The following ZNG1A variants were observed in gnomAD, a reference collection of about 807,000 sequenced individuals.
ZNG1A encodes the protein zinc-regulated GTPase metalloprotein activator 1A.
the ZNG1A span, chr9:160,229 G>C: frequency 2.2e-6 from 1 of 453,658 alleles, no homozygotes; most frequent in Non-Finnish European, 4.4e-6. Flanking sequence ...CTCAGTTTCA[G>C]TTTGGCTGGC....
At chr9:170,473 C>T in the ZNG1A span, among the ~76,000 whole-genome samples, 3 of 150,760 alleles carry the variant, frequency 2.0e-5, no homozygotes, top group Non-Finnish European at 4.4e-5. Context: ...GCAACCTCCG[C>T]CTCCCAGCTT....
chr9:154,125 C>G, the ZNG1A span: 1 of 152,862 alleles, frequency 6.5e-6, no homozygotes, highest in African/African-American at 2.4e-5. Context: ...TCAGCCTTGG[C>G]TATGGACAAA....
chr9:159,828 CT>C, the ZNG1A span, among the ~76,000 whole-genome samples: 1 of 152,128 alleles, frequency 6.6e-6, no homozygotes, highest in South Asian at 2.1e-4. Flanking sequence ...GGAACTATTT[CT>C]TTTAAATGGA....
At chr9:121,463 A>G in the ZNG1A span, 1 of 1,610,854 alleles carries the variant, frequency 6.2e-7, no homozygotes, top group Non-Finnish European at 8.5e-7. Context: ...AAATGCCTCT[A>G]GTGTTATGTA....
chr9:135,153 T>A, the ZNG1A span: 1 of 1,508,002 alleles, frequency 6.6e-7, no homozygotes, highest in Non-Finnish European at 8.9e-7. Flanking sequence ...ATTCTGTAAT[T>A]GCAATTTTAC....
At chr9:149,084 A>T in the ZNG1A span, 1 of 149,760 alleles carries the variant, frequency 6.7e-6, no homozygotes, top group South Asian at 2.1e-4. Flanking sequence ...CTTCAAACTC[A>T]AAAACGCTTA....
the ZNG1A span, among the ~76,000 whole-genome samples, chr9:144,883 G>A: frequency 9.3e-5 from 14 of 151,074 alleles, no homozygotes; most frequent in African/African-American, 2.2e-4. Flanking sequence ...AAAAGTGGGC[G>A]AAGGACATGA....
At chr9:157,398 G>A in the ZNG1A span, among the ~76,000 whole-genome samples, 2 of 129,338 alleles carry the variant, frequency 1.5e-5, no homozygotes, top group African/African-American at 6.0e-5. Context: ...AACCTCAATA[G>A]AGGTTCCCTG....
the ZNG1A span, among the ~76,000 whole-genome samples, chr9:155,069 TG>T: frequency 2.6e-5 from 4 of 151,686 alleles, no homozygotes; most frequent in Admixed American, 6.6e-5. Context: ...TTCTGTTACT[TG>T]CTACTCTTGT....
the ZNG1A span, chr9:153,831 T>C: frequency 1.3e-5 from 2 of 151,066 alleles, no homozygotes; most frequent in African/African-American, 4.9e-5. Flanking sequence ...CTAATGTCAG[T>C]AGAACTTATA....
chr9:155,554 G>T, the ZNG1A span, among the ~76,000 whole-genome samples: 1 of 152,214 alleles, frequency 6.6e-6, no homozygotes, highest in South Asian at 2.1e-4. Context: ...CAAAGTAGAT[G>T]ATAATAATCA....
the ZNG1A span, among the ~76,000 whole-genome samples, chr9:171,388 T>C: frequency 6.6e-6 from 1 of 152,156 alleles, no homozygotes; most frequent in Admixed American, 6.5e-5. Context: ...CACTAACTTT[T>C]ATGCAAAATG....
the ZNG1A span, chr9:166,480 A>G: frequency 1.3e-5 from 2 of 152,644 alleles, no homozygotes; most frequent in Non-Finnish European, 2.9e-5. Flanking sequence ...AAACACGCAC[A>G]TACAGGGAAT....
chr9:149,216 TG>T, the ZNG1A span: 1 of 151,862 alleles, frequency 6.6e-6, no homozygotes, highest in Admixed American at 6.6e-5. Flanking sequence ...AGAGGCATGT[TG>T]CTTTTAAAAT....
chr9:147,175 C>CAGAAGAAAAAA, the ZNG1A span: 1 of 22,622 alleles, frequency 4.4e-5, no homozygotes, highest in Admixed American at 4.5e-4. Context: ...GACTCCGCCT[C>CAGAAGAAAAAA]AAAAGAAAAA....
chr9:138,137 A>AT, the ZNG1A span, among the ~76,000 whole-genome samples: 3 of 152,044 alleles, frequency 2.0e-5, no homozygotes, highest in African/African-American at 4.8e-5. Context: ...CAAAATGCTG[A>AT]TTTTTTCCAG....
the ZNG1A span, chr9:148,546 C>A: frequency 9.8e-6 from 1 of 101,578 alleles, no homozygotes; most frequent in East Asian, 2.3e-4. Flanking sequence ...GGAGATAAAA[C>A]CATGAGATCT....
chr9:140,742 C>G, the ZNG1A span, among the ~76,000 whole-genome samples: 2 of 151,680 alleles, frequency 1.3e-5, no homozygotes, highest in African/African-American at 4.8e-5. Flanking sequence ...CAAACTACTC[C>G]GAGCTATGGG....
At chr9:136,080 G>A in the ZNG1A span, among the ~76,000 whole-genome samples, 4 of 77,316 alleles carry the variant, frequency 5.2e-5, 2 homozygotes, top group Admixed American at 3.2e-4. Context: ...GACAATGACT[G>A]CCTAGAACTT....
Sources: gnomAD v4.1 joint callset for allele counts (sites outside exome capture counted in the v4.1 genomes callset) on GRCh38, gnomAD v4.1.1 for gene constraint, MANE v1.5 for transcripts, NCBI Gene and HGNC (gene_info 2026-07-23, HGNC 2026-07-21) for gene names.